NFASC: variants seen among roughly 807,000 people sequenced by gnomAD.
The protein encoded by NFASC is neurofascin.
NFASC carries 43 observed loss-of-function variants against 147.5 expected under a neutral mutation model. The observed-to-expected ratio is 0.29, with a 90% CI of 0.23 to 0.38. The LOEUF (loss-of-function observed/expected upper bound fraction) is 0.38, where lower values mean the gene tolerates loss of function less well. Among genes scored for constraint, NFASC ranks in the 10% least tolerant of loss-of-function variants. NFASC has a pLI of 1.00. For missense variants in NFASC, 1,320 were observed against 1,689.0 expected (o/e 0.78, Z 3.83); for synonymous variants, 622 against 665.5 (o/e 0.93, Z 1.01).
chr1:205,000,379 G>A (rs1348569316), intron 25 of NFASC: 1 of 152,276 alleles, frequency 6.6e-6, no homozygotes, highest in Non-Finnish European at 1.5e-5. Flanking sequence ...GGGCTCCTTA[G>A]ACCAGCCTCA....
intron 13 of NFASC, 54 bp downstream of exon 13, chr1:204,974,344 T>C (rs773620234): frequency 1.5e-6 from 2 of 1,366,056 alleles, no homozygotes; most frequent in South Asian, 1.2e-5. Flanking sequence ...TCTCATCTTC[T>C]CCTTCCCATC....
chr1:204,991,348 A>G, intron 24 of NFASC, 42 bp downstream of exon 24: 1 of 1,604,970 alleles, frequency 6.2e-7, no homozygotes. Context: ...GGCATGGGGC[A>G]GCGCAGGCGG....
intron 2 of NFASC, among the ~76,000 whole-genome samples, chr1:204,924,814 A>G (rs866141582): frequency 6.6e-6 from 1 of 152,222 alleles, no homozygotes; most frequent in African/African-American, 2.4e-5. Flanking sequence ...CCTTATCGCA[A>G]ATCAGTATAC....
chr1:204,875,774 C>A (rs546421116), intron 1 of NFASC, among the ~76,000 whole-genome samples: 6 of 152,234 alleles, frequency 3.9e-5, no homozygotes, highest in East Asian at 1.9e-4. Context: ...ACGGTAGATA[C>A]CAGCCACCCT....
intron 29 of NFASC, among the ~76,000 whole-genome samples, 198 bp downstream of exon 29, chr1:205,013,064 G>A (rs745467628): frequency 2.8e-4 from 42 of 152,232 alleles, no homozygotes; most frequent in Non-Finnish European, 4.8e-4. Flanking sequence ...TTCTCATCCT[G>A]AGAGTGCCAG....
At chr1:204,829,991 G>A (rs535598084) in intron 1 of NFASC, among the ~76,000 whole-genome samples, 1 of 144,946 alleles carries the variant, frequency 6.9e-6, no homozygotes, top group East Asian at 2.0e-4. Context: ...CTCCTTCCTT[G>A]GCATTTTGGC....
chr1:204,886,937 A>C (rs903056069), intron 1 of NFASC, among the ~76,000 whole-genome samples: 2 of 152,148 alleles, frequency 1.3e-5, no homozygotes, highest in South Asian at 2.1e-4. Context: ...TTTTTATTTC[A>C]TCACAGGAAG....
chr1:204,991,414 C>T (rs1404646437), intron 24 of NFASC, 108 bp downstream of exon 24: 1 of 1,145,564 alleles, frequency 8.7e-7, no homozygotes, highest in Non-Finnish European at 1.3e-6. Context: ...AAAGCATGCT[C>T]CAGACTCACC....
intron 1 of NFASC, among the ~76,000 whole-genome samples, chr1:204,839,702 G>T (rs147568134): frequency 6.6e-6 from 1 of 152,228 alleles, no homozygotes; most frequent in Non-Finnish European, 1.5e-5. Flanking sequence ...TTAGAAGAGG[G>T]TAGGGACATT....
intron 1 of NFASC, among the ~76,000 whole-genome samples, chr1:204,869,476 G>C (rs1321944959): frequency 6.6e-6 from 1 of 151,936 alleles, no homozygotes; most frequent in East Asian, 1.9e-4. Context: ...TCTTCCATTT[G>C]ATTAAAATAT....
chr1:204,938,551 C>T (rs2093077603), intron 2 of NFASC, among the ~76,000 whole-genome samples: 1 of 152,220 alleles, frequency 6.6e-6, no homozygotes. Flanking sequence ...CGCCGGCTCC[C>T]ATACTTTTAA....
chr1:204,925,132 C>T (rs1189998643), intron 2 of NFASC, among the ~76,000 whole-genome samples: 2 of 152,146 alleles, frequency 1.3e-5, no homozygotes, highest in Non-Finnish European at 2.9e-5. Flanking sequence ...CCTCAGCCTC[C>T]CAAAGTGCTG....
intron 28 of NFASC, 196 bp from the exon 29 acceptor site, chr1:205,012,601 G>A (rs1375384020): frequency 3.3e-6 from 2 of 611,062 alleles, no homozygotes; most frequent in African/African-American, 3.7e-5. Context: ...GGCTGAGAAG[G>A]AGGAGGCAGA....
At chr1:204,875,457 AAAG>A (rs2078591915) in intron 1 of NFASC, among the ~76,000 whole-genome samples, 1 of 152,214 alleles carries the variant, frequency 6.6e-6, no homozygotes, top group East Asian at 1.9e-4. Flanking sequence ...GAGGAAGTGG[AAAG>A]AAGAACAGAG....
At chr1:205,001,127 ACTCC>A in intron 25 of NFASC, 39 bp from the exon 26 acceptor site, 1 of 1,170,552 alleles carries the variant, frequency 8.5e-7, no homozygotes, top group Admixed American at 1.9e-5. Context: ...CTCTGGTGCC[ACTCC>A]CTCCTCATCA....
intron 8 of NFASC, among the ~76,000 whole-genome samples, chr1:204,958,348 A>G (rs2094517240): frequency 6.6e-6 from 1 of 152,200 alleles, no homozygotes; most frequent in Non-Finnish European, 1.5e-5. Flanking sequence ...TGATTCTGTA[A>G]TATGTATATG....
chr1:204,881,667 A>G (rs766307227), intron 1 of NFASC, among the ~76,000 whole-genome samples: 2 of 152,196 alleles, frequency 1.3e-5, no homozygotes, highest in Admixed American at 6.5e-5. Context: ...ACGGGATAGT[A>G]GACAAAAGAC....
chr1:204,953,954 G>A (rs773961633), intron 5 of NFASC, among the ~76,000 whole-genome samples: 1 of 152,144 alleles, frequency 6.6e-6, no homozygotes, highest in Non-Finnish European at 1.5e-5. Context: ...AAATACTAAC[G>A]TCAGGCCCCT....
At chr1:204,874,453 G>T (rs1310438571) in intron 1 of NFASC, among the ~76,000 whole-genome samples, 1 of 152,190 alleles carries the variant, frequency 6.6e-6, no homozygotes, top group African/African-American at 2.4e-5. Context: ...GTAGTATCTG[G>T]CTGCTTGGGG....
Sources: gnomAD v4.1 joint callset for allele counts (sites outside exome capture counted in the v4.1 genomes callset) on GRCh38, gnomAD v4.1.1 for gene constraint, MANE v1.5 for transcripts, NCBI Gene and HGNC (gene_info 2026-07-23, HGNC 2026-07-21) for gene names.